ETV5: variants seen among roughly 807,000 people sequenced by gnomAD.
ETV5 encodes ETS variant transcription factor 5.
In ETV5, 10 loss-of-function variants were observed where a neutral mutation model predicts 70.0. That is an observed-to-expected ratio of 0.14 (90% CI 0.09 to 0.24). The LOEUF (loss-of-function observed/expected upper bound fraction) is 0.24, where lower values mean the gene tolerates loss of function less well. ETV5 is among the 10% of genes least tolerant of loss of function. ETV5 has a pLI of 1.00. For missense variants in ETV5, 453 were observed against 651.2 expected (o/e 0.70, Z 3.31); for synonymous variants, 216 against 242.2 (o/e 0.89, Z 1.01).
At chr3:186,058,649 G>A (rs775326547) in intron 9 of ETV5, among the ~76,000 whole-genome samples, 3 of 152,182 alleles carry the variant, frequency 2.0e-5, no homozygotes, top group Non-Finnish European at 4.4e-5. Context: ...GCAATTATAA[G>A]GTTTAAGGGT....
chr3:186,084,308 T>C, intron 5 of ETV5: 1 of 379,566 alleles, frequency 2.6e-6, no homozygotes, highest in Admixed American at 3.8e-5. Context: ...AAAAAAAAGT[T>C]GACATTTGAG....
intron 1 of ETV5, among the ~76,000 whole-genome samples, chr3:186,107,640 G>A (rs941598418): frequency 6.6e-6 from 1 of 152,184 alleles, no homozygotes; most frequent in Non-Finnish European, 1.5e-5. Flanking sequence ...GTTCATCCAG[G>A]AGTTTAAACC....
At chr3:186,094,192 G>A (rs892534419) in intron 5 of ETV5, among the ~76,000 whole-genome samples, 11 of 152,128 alleles carry the variant, frequency 7.2e-5, no homozygotes, top group African/African-American at 1.9e-4. Context: ...TTAATGCTTC[G>A]TCACTGCTCC....
At chr3:186,058,964 GAT>G (rs1713235582) in intron 9 of ETV5, among the ~76,000 whole-genome samples, 1 of 148,192 alleles carries the variant, frequency 6.7e-6, no homozygotes, top group Non-Finnish European at 1.5e-5. Context: ...AGTGGGTGGA[GAT>G]CACGCTATTG....
chr3:186,076,579 C>T (rs1481166055), intron 7 of ETV5: 12 of 184,102 alleles, frequency 6.5e-5, no homozygotes, highest in East Asian at 2.6e-4. Flanking sequence ...AGGTGTGTGC[C>T]GCCATGTGTG....
chr3:186,078,374 A>C (rs1237351955), intron 7 of ETV5, among the ~76,000 whole-genome samples: 3 of 152,180 alleles, frequency 2.0e-5, no homozygotes, highest in Admixed American at 2.0e-4. Context: ...CTTGCAGAAA[A>C]TCAGCAAGAT....
At position 186,048,508 on chromosome 3, in the gene ETV5, C is replaced by T; in HGVS notation, c.*131G>A. 1 of 806,476 alleles carries T rather than the reference C, an allele frequency of 1.2e-6. No individual in the cohort carries two copies. The highest frequency in any genetic ancestry group is 1.7e-5 in the South Asian group (1 of 57,964). The allele number at this position is 806,476 out of a possible 1,614,324, so 50.0% of individuals were successfully genotyped here. On this transcript the variant is annotated 3_prime_UTR_variant, in exon 13 of 13. Coordinates refer to ENST00000306376, the MANE Select transcript of ETV5 (RefSeq NM_004454.3). ...TTTAAGGGTGCCAATCCAGAGACAGCTTGGGTTCTCCAGATAATACTCAAA... is the reference window on the plus strand; with the variant it reads ...TTTAAGGGTGCCAATCCAGAGACAGTTTGGGTTCTCCAGATAATACTCAAA...
chr3:186,064,701 G>A, intron 8 of ETV5: 5 of 524,304 alleles, frequency 9.5e-6, no homozygotes, highest in Non-Finnish European at 1.7e-5. Flanking sequence ...GTCACGGGAG[G>A]AAAAAAAAGA....
Position 186,047,736 on chromosome 3 carries a change from T to C in ETV5, c.*903A>G. On this transcript the variant is annotated 3_prime_UTR_variant, in exon 13 of 13. Coordinates refer to ENST00000306376, the MANE Select transcript of ETV5 (RefSeq NM_004454.3). ...TCTCAAGCTGCAGTGTCTTCATAAG[T>C]TGGCACGGCCCTGGCTAAAGGACAC... 4.3e-6 allele frequency: 1 copy of C among 233,568 alleles called. No homozygotes were observed. The highest frequency in any genetic ancestry group is 8.5e-6 in the Non-Finnish European group (1 of 117,954). 14.5% of individuals were successfully genotyped at this position (233,568 alleles called of 1,614,324 possible). A position where few individuals can be genotyped will look rare whatever the true frequency, so the allele number is the denominator to read the frequency against.
At chr3:186,106,891 C>A (rs1170575974) in intron 1 of ETV5, 1 of 938,496 alleles carries the variant, frequency 1.1e-6, no homozygotes, top group African/African-American at 1.8e-5. Context: ...TTTTATTCTT[C>A]AAATAAAAAC....
chr3:186,073,801 G>A (rs1304659247), intron 7 of ETV5, among the ~76,000 whole-genome samples: 1 of 152,178 alleles, frequency 6.6e-6, no homozygotes, highest in African/African-American at 2.4e-5. Flanking sequence ...AGTGCAAGAA[G>A]CTATTAGCAA....
At chr3:186,088,979 T>C (rs1714120670) in intron 5 of ETV5, among the ~76,000 whole-genome samples, 1 of 152,230 alleles carries the variant, frequency 6.6e-6, no homozygotes, top group Non-Finnish European at 1.5e-5. Flanking sequence ...GAAATATTTA[T>C]TTTAGGACTG....
At chr3:186,064,203 A>C in intron 9 of ETV5, 1 of 588,340 alleles carries the variant, frequency 1.7e-6, no homozygotes. Context: ...AAATAATTGA[A>C]GATTACAATC....
rs1014511536 is a variant in ETV5, at chr3:186,052,276, C to T, written c.1210-145G>A. On this transcript the variant is annotated intron_variant, in intron 11 of 12. Coordinates refer to ENST00000306376, the MANE Select transcript of ETV5 (RefSeq NM_004454.3). This position sits in a 1 kb window ranked among gnomAD's most constrained non-coding sequence, Gnocchi z 4.5. Reference sequence around the variant, plus strand: ...GACCTGGAAGGGAAGGCATTTAACTCCCTCAAGACCAAACATTCAACAAAG... The same window carrying T: ...GACCTGGAAGGGAAGGCATTTAACTTCCTCAAGACCAAACATTCAACAAAG... The T allele has an allele frequency of 3.0e-6, 2 of 658,340 alleles. No individual in the cohort carries two copies. Among genetic ancestry groups the T allele is most frequent in the Admixed American group, 2.6e-5 (1 of 38,684 alleles). The allele number at this position is 658,340 out of a possible 1,614,324, so 40.8% of individuals were successfully genotyped here.
chr3:186,078,742 G>C (rs922370186), intron 7 of ETV5, among the ~76,000 whole-genome samples: 1 of 152,064 alleles, frequency 6.6e-6, no homozygotes, highest in Non-Finnish European at 1.5e-5. Flanking sequence ...GTGTAACACA[G>C]GCGTTCGTGT....
At chr3:186,068,356 G>A (rs1713503916) in intron 7 of ETV5, among the ~76,000 whole-genome samples, 1 of 152,140 alleles carries the variant, frequency 6.6e-6, no homozygotes, top group African/African-American at 2.4e-5. Context: ...GTAGTAGTAT[G>A]GTGTCATATA....
rs1481040373 is a variant in ETV5, at chr3:186,057,935, A to G, written c.971-444T>C. ...TCAACCTTTCCTACTAACTCATCCA[A>G]GCTACTCACATACCTCGTTCAATTA... is the stretch of plus-strand genomic sequence containing the variant. On this transcript the variant is annotated intron_variant, in intron 9 of 12. Coordinates refer to ENST00000306376, the MANE Select transcript of ETV5 (RefSeq NM_004454.3). This position sits in a 1 kb window ranked among gnomAD's most constrained non-coding sequence, Gnocchi z 4.9. 6.6e-6 allele frequency among the ~76,000 whole-genome samples: 1 copy of G among 152,202 alleles called. No homozygotes were observed. The highest frequency in any genetic ancestry group is 2.4e-5 in the African/African-American group (1 of 41,446).
At chr3:186,108,515 C>T (rs1578567053) in intron 1 of ETV5, 1 of 1,287,960 alleles carries the variant, frequency 7.8e-7, no homozygotes. Context: ...ACATTCCCCT[C>T]AAACTGCTTC....
chr3:186,053,510 A>G (rs1713084347), intron 11 of ETV5, among the ~76,000 whole-genome samples: 1 of 152,246 alleles, frequency 6.6e-6, no homozygotes, highest in Non-Finnish European at 1.5e-5. Flanking sequence ...TGAAAGCAAC[A>G]TCTTCTAAAT....
Sources: gnomAD v4.1 joint callset for allele counts (sites outside exome capture counted in the v4.1 genomes callset) on GRCh38, gnomAD v4.1.1 for gene constraint, Gnocchi (gnomAD v3.1) non-coding constraint, MANE v1.5 for transcripts, NCBI Gene and HGNC (gene_info 2026-07-23, HGNC 2026-07-21) for gene names.